The following TNRC6A variants were observed in gnomAD, a reference collection of about 807,000 sequenced individuals.
TNRC6A encodes the protein trinucleotide repeat containing adaptor 6A, also known as trinucleotide repeat-containing gene 6A protein.
TNRC6A carries 44 observed loss-of-function variants against 221.2 expected under a neutral mutation model. The observed-to-expected ratio is 0.20, with a 90% CI of 0.16 to 0.26. The LOEUF is 0.26. TNRC6A is among the 10% of genes least tolerant of loss of function. The pLI, the probability that TNRC6A is intolerant of heterozygous loss-of-function variation, is 1.00. For missense variants in TNRC6A, 2,199 were observed against 2,404.4 expected (o/e 0.91, Z 1.79); for synonymous variants, 847 against 838.5 (o/e 1.01, Z -0.18).
chr16:24,721,529 GGT>G (rs2056410310), intron 2 of TNRC6A, among the ~76,000 whole-genome samples: 1 of 152,158 alleles, frequency 6.6e-6, no homozygotes, highest in South Asian at 2.1e-4. Context: ...AGTAGGGCCA[GGT>G]GCCATGCCTT....
At chr16:24,762,837 C>T (rs1286906256) in intron 4 of TNRC6A, among the ~76,000 whole-genome samples, 5 of 152,320 alleles carry the variant, frequency 3.3e-5, no homozygotes, top group African/African-American at 1.2e-4. Context: ...CCTGCAGTTA[C>T]ATGGAAGACA....
intron 2 of TNRC6A, among the ~76,000 whole-genome samples, chr16:24,695,557 G>A (rs993839442): frequency 1.3e-5 from 2 of 151,862 alleles, no homozygotes; most frequent in African/African-American, 2.4e-5. Flanking sequence ...GCACCACCAC[G>A]CCCGGCTAAT....
In TNRC6A at chr16:24,631,462, C is replaced by G. The variant is rs140558076; in HGVS notation, n.277-9422C>G. Among the ~76,000 whole-genome samples, 1,469 of 152,224 alleles carry G rather than the reference C, an allele frequency of 9.7e-3. 14 individuals carry two copies. The highest frequency in any genetic ancestry group is 0.014 in the Non-Finnish European group (941 of 68,002). On this transcript the variant is annotated intron_variant and non_coding_transcript_variant, in intron 1 of 2. Transcript: ENST00000566108. ...TTGTTTGTTCCTAATTCTCTTCCCA[C>G]TTATTGTAAATATTAGAACATCCTA...
chr16:24,776,472 G>A, intron 4 of TNRC6A: 1 of 985,436 alleles, frequency 1.0e-6, no homozygotes, highest in Non-Finnish European at 1.2e-6. Context: ...TGTTGTTCTT[G>A]TGTTGTCTTC....
chr16:24,744,261 A>G (rs921025078), intron 2 of TNRC6A, among the ~76,000 whole-genome samples: 2 of 152,142 alleles, frequency 1.3e-5, no homozygotes, highest in African/African-American at 2.4e-5. Flanking sequence ...GTTAACTTCA[A>G]CTGCTTGGGT....
At chr16:24,666,612 G>A (rs746080577) in intron 2 of TNRC6A, among the ~76,000 whole-genome samples, 75 of 112,612 alleles carry the variant, frequency 6.7e-4, no homozygotes, top group Non-Finnish European at 1.1e-3. Flanking sequence ...CTCCAGCCCA[G>A]ATGACAGAGC....
In TNRC6A at chr16:24,794,613, G is replaced by C. The variant is rs772205553; in HGVS notation, c.3422G>C (p.Trp1141Ser). The change falls in exon 8 of 25, where the codon TGG (tryptophan) becomes TCG (serine). Residue 1141 changes from tryptophan to serine, a missense_variant. Physicochemically the swap from Trp to Ser is radical, Grantham distance 177 (BLOSUM62 -3). Around this residue, in one of 8 missense-constraint regions of TNRC6A, gnomAD observed 1,405 missense variants for 1,400.2 expected, o/e 1.00. Coordinates refer to ENST00000395799, the MANE Select transcript of TNRC6A (RefSeq NM_014494.4). The stretch of plus-strand genomic sequence containing the variant: ...TTGCCTGGAAATCGCCCCACTGGCT[G>C]GGAAGAGGAAGAGGATGTGGAGATT... Reference protein sequence around the residue: ...MPLPGNRPTGWEEEEDVEIGM... With the variant: ...MPLPGNRPTGSEEEEDVEIGM... 1 of 1,614,076 alleles carries C rather than the reference G, an allele frequency of 6.2e-7. No individual in the cohort carries two copies. Among genetic ancestry groups the C allele is most frequent in the Non-Finnish European group, 8.5e-7 (1 of 1,179,960 alleles).
chr16:24,780,559 T>G (rs543741390), intron 5 of TNRC6A, among the ~76,000 whole-genome samples: 13 of 152,332 alleles, frequency 8.5e-5, no homozygotes, highest in African/African-American at 3.1e-4. Context: ...TAGAACACTA[T>G]GTATTGCTTA....
intron 2 of TNRC6A, among the ~76,000 whole-genome samples, chr16:24,720,518 G>A (rs1402905303): frequency 1.3e-5 from 2 of 151,020 alleles, no homozygotes; most frequent in South Asian, 2.1e-4. Flanking sequence ...GTGAAACCCC[G>A]TCTCTACTAA....
intron 2 of TNRC6A, among the ~76,000 whole-genome samples, chr16:24,704,840 A>G (rs2056065979): frequency 6.6e-6 from 1 of 151,872 alleles, no homozygotes; most frequent in Admixed American, 6.6e-5. Context: ...TAAAACAGTA[A>G]TAACAGAAAA....
chr16:24,809,162 A>G (rs1267233014), intron 17 of TNRC6A, among the ~76,000 whole-genome samples, 188 bp from the exon 18 acceptor site: 1 of 152,200 alleles, frequency 6.6e-6, no homozygotes, highest in Non-Finnish European at 1.5e-5. Flanking sequence ...TTATTTTGCC[A>G]AGGAGTTTTA....
Position 24,797,918 on chromosome 16 carries a change from G to A in TNRC6A, c.3646G>A (p.Asp1216Asn). 6.2e-7 allele frequency: 1 copy of A among 1,608,952 alleles called. No individual in the cohort carries two copies. Among genetic ancestry groups the A allele is most frequent in the South Asian group, 1.1e-5 (1 of 89,694 alleles). ...ATGCTGCATTTTCTTTCTTCAGAGA[G>A]ACTCACCAGAGGAAAATGTACAAAG... ...KQFSNISFSRDSPEENVQSNK... is the reference protein window; with the variant it reads ...KQFSNISFSRNSPEENVQSNK... Residue 1216 changes from aspartate (D) to asparagine (N), a missense_variant, in exon 11 of 25, where the codon GAC becomes AAC. This residue lies in a region of TNRC6A where 158 missense variants were observed against 159.1 expected (regional missense o/e 0.99). Coordinates refer to ENST00000395799, the MANE Select transcript of TNRC6A (RefSeq NM_014494.4).
At chr16:24,679,856 G>A (rs1481896782) in intron 2 of TNRC6A, among the ~76,000 whole-genome samples, 6 of 151,876 alleles carry the variant, frequency 4.0e-5, no homozygotes, top group East Asian at 1.9e-4. Flanking sequence ...CAATCCTCCC[G>A]CTTCAGCCTC....
At chr16:24,725,440 A>G (rs1378698386), upstream of TNRC6A, among the ~76,000 whole-genome samples, 1 of 151,870 alleles carries the variant, frequency 6.6e-6, no homozygotes, top group Non-Finnish European at 1.5e-5. Context: ...GGCAGATTTA[A>G]AGCCAAATAC....
At chr16:24,652,114 A>G (rs1326209066) in intron 2 of TNRC6A, among the ~76,000 whole-genome samples, 3 of 152,026 alleles carry the variant, frequency 2.0e-5, no homozygotes, top group Non-Finnish European at 4.4e-5. Context: ...TTAATTTAGA[A>G]TAAAAGAACT....
intron 12 of TNRC6A, 59 bp from the exon 13 acceptor site, chr16:24,804,646 T>G: frequency 5.9e-6 from 9 of 1,530,978 alleles, no homozygotes; most frequent in Non-Finnish European, 7.0e-6. Flanking sequence ...CTGCAATGAT[T>G]TCTCCCTTCC....
chr16:24,782,139 G>A (rs556521976), intron 5 of TNRC6A, among the ~76,000 whole-genome samples: 2 of 152,160 alleles, frequency 1.3e-5, no homozygotes, highest in East Asian at 1.9e-4. Context: ...ACTCTTAAAT[G>A]CCTCCCACTT....
At chr16:24,730,205 TTG>T (rs1298470940) in intron 1 of TNRC6A, 46 bp from the exon 2 acceptor site, 12 of 1,564,084 alleles carry the variant, frequency 7.7e-6, no homozygotes, top group Non-Finnish European at 9.5e-6. Flanking sequence ...CATCTCGTTT[TTG>T]TGTGTGTGTT....
chr16:24,725,773 G>A (rs533208556), upstream of TNRC6A, among the ~76,000 whole-genome samples: 6 of 151,970 alleles, frequency 3.9e-5, no homozygotes, highest in South Asian at 4.2e-4. Flanking sequence ...AGGCCGAGGC[G>A]GGTGATCACT....
Sources: gnomAD v4.1 joint callset for allele counts (sites outside exome capture counted in the v4.1 genomes callset) on GRCh38, gnomAD v4.1.1 for gene constraint, gnomAD v4.1.1 regional missense constraint, MANE v1.5 for transcripts, NCBI Gene and HGNC (gene_info 2026-07-23, HGNC 2026-07-21) for gene names.